The following SUGCT variants were observed in gnomAD, a reference collection of about 807,000 sequenced individuals.
SUGCT encodes the protein succinyl-CoA:glutarate CoA-transferase.
SUGCT carries 41 observed loss-of-function variants against 55.0 expected under a neutral mutation model. The observed-to-expected ratio is 0.74, with a 90% CI of 0.58 to 0.97. The LOEUF (loss-of-function observed/expected upper bound fraction) is 0.97. SUGCT is among the 50% of genes least tolerant of loss of function. The probability of loss-of-function intolerance (pLI) is 0.00; values close to 1 mark genes in which losing one functional copy is unlikely to be tolerated. For missense variants in SUGCT, 568 were observed against 547.8 expected (o/e 1.04, Z -0.37); for synonymous variants, 187 against 200.4 (o/e 0.93, Z 0.56).
At chr7:40,683,744 G>A (rs1447426206) in intron 12 of SUGCT, among the ~76,000 whole-genome samples, 4 of 152,198 alleles carry the variant, frequency 2.6e-5, no homozygotes, top group Non-Finnish European at 4.4e-5. Context: ...ACTCTCAGAC[G>A]TTGTCACTTA....
intron 12 of SUGCT, among the ~76,000 whole-genome samples, chr7:40,624,856 G>A (rs1799449769): frequency 6.6e-6 from 1 of 151,270 alleles, no homozygotes; most frequent in Non-Finnish European, 1.5e-5. Flanking sequence ...TCTTTTATCT[G>A]TTTTCACAAT....
chr7:40,237,752 A>T, intron 7 of SUGCT, 26 bp downstream of exon 7: 1 of 1,584,010 alleles, frequency 6.3e-7, no homozygotes, highest in Non-Finnish European at 8.7e-7. Flanking sequence ...TAGAATATTC[A>T]TAATTTCTTC....
the SUGCT span, among the ~76,000 whole-genome samples, chr7:41,017,172 ACCT>A: frequency 1.3e-5 from 2 of 152,064 alleles, no homozygotes; most frequent in Non-Finnish European, 2.9e-5. Context: ...ACGTCTAAAG[ACCT>A]TGTCTACAAA....
chr7:40,797,725 A>G (rs1790618583), intron 13 of SUGCT, among the ~76,000 whole-genome samples: 1 of 152,158 alleles, frequency 6.6e-6, no homozygotes, highest in South Asian at 2.1e-4. Flanking sequence ...AACCCCCCCC[A>G]AATAAATGGT....
chr7:40,944,211 T>G, the SUGCT span, among the ~76,000 whole-genome samples: 1 of 152,080 alleles, frequency 6.6e-6, no homozygotes, highest in South Asian at 2.1e-4. Context: ...TTGTGAAAAT[T>G]TTCTCCCATT....
chr7:40,814,114 G>C (rs2128760408), intron 13 of SUGCT, among the ~76,000 whole-genome samples: 1 of 152,190 alleles, frequency 6.6e-6, no homozygotes, highest in Non-Finnish European at 1.5e-5. Flanking sequence ...CTTTGTAAGT[G>C]AGCTGCTTTT....
chr7:40,146,708 A>C (rs1423886099), intron 1 of SUGCT, among the ~76,000 whole-genome samples: 2 of 152,124 alleles, frequency 1.3e-5, no homozygotes, highest in Non-Finnish European at 2.9e-5. Flanking sequence ...ATTCCGGTAA[A>C]CCTTCCAGTG....
the SUGCT span, among the ~76,000 whole-genome samples, chr7:40,865,785 G>A: frequency 4.5e-4 from 69 of 152,262 alleles, no homozygotes; most frequent in East Asian, 0.01. Context: ...TTCAGGTGGC[G>A]GTGAATAGTT....
At chr7:40,201,735 C>G (rs1268534386) in intron 6 of SUGCT, among the ~76,000 whole-genome samples, 1 of 152,140 alleles carries the variant, frequency 6.6e-6, no homozygotes, top group African/African-American at 2.4e-5. Flanking sequence ...TGGACTGATT[C>G]CAGAAAATGA....
chr7:40,496,329 C>G lies in SUGCT; in HGVS notation c.1032C>G (p.Gly344=), dbSNP rs757822867. ...LTSKWLYLFE[G]SGVPYGPINN... ...GCAAGTGGTTATATCTTTTTGAAGG[C>G]AGTGGAGTCCCGTATGGCCCAATCA... Residue 344 remains glycine (G), a synonymous_variant, in exon 12 of 14, where the codon GGC becomes GGG. Transcript: ENST00000335693. 1.9e-6 allele frequency: 3 copies of G among 1,613,058 alleles called. No homozygotes were observed. Among genetic ancestry groups the G allele is most frequent in the Non-Finnish European group, 2.5e-6 (3 of 1,179,440 alleles).
intron 12 of SUGCT, among the ~76,000 whole-genome samples, chr7:40,720,383 A>G (rs1027673390): frequency 2.0e-5 from 3 of 152,216 alleles, no homozygotes; most frequent in African/African-American, 7.2e-5. Flanking sequence ...AATTTTAAAC[A>G]TTTTAATCCA....
At chr7:40,761,255 T>C (rs1416389752) in intron 13 of SUGCT, among the ~76,000 whole-genome samples, 1 of 152,174 alleles carries the variant, frequency 6.6e-6, no homozygotes, top group Non-Finnish European at 1.5e-5. Context: ...CTTTGTTTGT[T>C]TTCCAAGTAG....
intron 7 of SUGCT, among the ~76,000 whole-genome samples, chr7:40,257,703 C>T (rs771494907): frequency 1.6e-4 from 25 of 151,970 alleles, no homozygotes; most frequent in Non-Finnish European, 3.1e-4. Context: ...TGCATAAACC[C>T]CGTCTCTACA....
At chr7:40,286,564 T>C (rs1793357708) in intron 8 of SUGCT, among the ~76,000 whole-genome samples, 3 of 152,128 alleles carry the variant, frequency 2.0e-5, no homozygotes, top group Admixed American at 2.0e-4. Context: ...CAGGTGGTAA[T>C]AAGGAAGGAG....
At chr7:40,443,871 C>A (rs887430458) in intron 9 of SUGCT, among the ~76,000 whole-genome samples, 1 of 152,134 alleles carries the variant, frequency 6.6e-6, no homozygotes, top group African/African-American at 2.4e-5. Flanking sequence ...ACATTTAAGT[C>A]TTTAATCCAT....
chr7:40,351,582 T>C (rs11761602), intron 9 of SUGCT, among the ~76,000 whole-genome samples: 43,558 of 152,030 alleles, frequency 0.29, 7,507 homozygotes, highest in East Asian at 0.4. Context: ...TTGGGTTAGG[T>C]AATAACTGTG....
intron 12 of SUGCT, among the ~76,000 whole-genome samples, chr7:40,552,594 G>C (rs968940594): frequency 5.9e-5 from 9 of 152,118 alleles, no homozygotes; most frequent in Admixed American, 3.9e-4. Flanking sequence ...GCATGACAAA[G>C]ATCAAAGTGC....
the SUGCT span, among the ~76,000 whole-genome samples, chr7:40,885,803 T>G: frequency 1.3e-5 from 2 of 152,298 alleles, no homozygotes; most frequent in Non-Finnish European, 2.9e-5. Context: ...ATGAATGGGC[T>G]CCAAAGGGCA....
intron 8 of SUGCT, among the ~76,000 whole-genome samples, chr7:40,279,739 C>G (rs1318935602): frequency 6.6e-6 from 1 of 152,006 alleles, no homozygotes; most frequent in Non-Finnish European, 1.5e-5. Flanking sequence ...CTTATAAATT[C>G]TAGATCTAAA....
Sources: allele counts gnomAD v4.1 joint callset (sites outside exome capture counted in the v4.1 genomes callset), GRCh38; gene constraint gnomAD v4.1.1; transcripts MANE v1.5; gene names NCBI Gene and HGNC (gene_info 2026-07-23, HGNC 2026-07-21).